Variants in CORO2B observed in about 807,000 individuals in gnomAD.
The protein encoded by CORO2B is coronin-2B.
In CORO2B, 26 loss-of-function variants were observed where a neutral mutation model predicts 58.8. The ratio of observed to expected loss-of-function variants is 0.44; its 90% CI spans 0.32 to 0.61. The LOEUF is 0.61. CORO2B is among the 20% of genes least tolerant of loss of function. CORO2B has a pLI of 0.04. For missense variants in CORO2B, 460 were observed against 645.1 expected (o/e 0.71, Z 3.11); for synonymous variants, 242 against 253.8 (o/e 0.95, Z 0.44).
In CORO2B at chr15:68,715,326, G is replaced by A; in HGVS notation, c.967+15G>A. 1.3e-6 allele frequency: 2 copies of A among 1,582,404 alleles called. No individual in the cohort carries two copies. The highest frequency in any genetic ancestry group is 1.7e-6 in the Non-Finnish European group (2 of 1,151,532). ...GAAAGGCCTAGGTAAGTGGCCCCGAGGCTGCCACAGCTGGTGTGCTCATGG... is the reference window on the plus strand; with the variant it reads ...GAAAGGCCTAGGTAAGTGGCCCCGAAGCTGCCACAGCTGGTGTGCTCATGG... On this transcript the variant is annotated intron_variant, in intron 8 of 11. Transcript: ENST00000261861.
At chr15:68,527,571 C>A in the CORO2B span, among the ~76,000 whole-genome samples, 6 of 152,142 alleles carry the variant, frequency 3.9e-5, no homozygotes, top group African/African-American at 1.4e-4. Flanking sequence ...ATTACTGTAG[C>A]TTTGTAATAA....
At chr15:68,715,491 C>A (rs1046595925) in intron 8 of CORO2B, among the ~76,000 whole-genome samples, 180 bp downstream of exon 8, 1 of 152,240 alleles carries the variant, frequency 6.6e-6, no homozygotes, top group African/African-American at 2.4e-5. Flanking sequence ...ACTGGACCGG[C>A]GCTGTCACCC....
intron 1 of CORO2B, among the ~76,000 whole-genome samples, chr15:68,615,991 A>G (rs1347592553): frequency 6.6e-6 from 1 of 152,118 alleles, no homozygotes; most frequent in African/African-American, 2.4e-5. Context: ...TAGAACACCT[A>G]CTGTGCGCCA....
chr15:68,717,886 A>C (rs1893069063), intron 8 of CORO2B, among the ~76,000 whole-genome samples: 1 of 152,234 alleles, frequency 6.6e-6, no homozygotes, highest in Admixed American at 6.5e-5. Context: ...GGTGCCAGGC[A>C]GTTAATGAGT....
At chr15:68,535,069 G>C in the CORO2B span, among the ~76,000 whole-genome samples, 1 of 152,098 alleles carries the variant, frequency 6.6e-6, no homozygotes, top group African/African-American at 2.4e-5. Context: ...TTTGGGTGGG[G>C]ACACAGCCAC....
chr15:68,655,158 A>G (rs1901766805), intron 2 of CORO2B, among the ~76,000 whole-genome samples: 1 of 152,226 alleles, frequency 6.6e-6, no homozygotes, highest in African/African-American at 2.4e-5. Flanking sequence ...GAAGGCATGT[A>G]AAGGTTTTAC....
chr15:68,555,905 C>T, the CORO2B span, among the ~76,000 whole-genome samples: 4 of 152,196 alleles, frequency 2.6e-5, no homozygotes, highest in South Asian at 2.1e-4. Context: ...GGGCCACAGA[C>T]GGCCATCTGG....
intron 2 of CORO2B, among the ~76,000 whole-genome samples, chr15:68,673,665 C>G (rs1902476874): frequency 6.6e-6 from 1 of 152,060 alleles, no homozygotes; most frequent in Non-Finnish European, 1.5e-5. Context: ...AGTGAAACCC[C>G]GTTTCTACTA....
the CORO2B span, among the ~76,000 whole-genome samples, chr15:68,520,338 C>T: frequency 1.3e-5 from 2 of 152,146 alleles, no homozygotes; most frequent in African/African-American, 4.8e-5. Flanking sequence ...TTTGTTGTTG[C>T]TTGTTCCATC....
intron 2 of CORO2B, among the ~76,000 whole-genome samples, chr15:68,658,844 A>C (rs966573643): frequency 1.3e-5 from 2 of 152,330 alleles, no homozygotes; most frequent in Non-Finnish European, 2.9e-5. Context: ...AGAATGCAAC[A>C]TGGAGGCCTG....
the CORO2B span, among the ~76,000 whole-genome samples, chr15:68,522,767 G>A: frequency 6.6e-6 from 1 of 152,132 alleles, no homozygotes; most frequent in Non-Finnish European, 1.5e-5. Flanking sequence ...ATCTTTTTAT[G>A]AGCATATTAA....
chr15:68,725,766 G>C, intron 11 of CORO2B, 77 bp from the exon 12 acceptor site: 1 of 1,579,880 alleles, frequency 6.3e-7, no homozygotes. Flanking sequence ...CAGGCAGCTG[G>C]AGACTCACCT....
the CORO2B span, among the ~76,000 whole-genome samples, chr15:68,560,248 C>A: frequency 2.0e-5 from 3 of 152,016 alleles, no homozygotes; most frequent in Non-Finnish European, 4.4e-5. Context: ...CTTTCTTTCT[C>A]TTTCTTTTTT....
At chr15:68,577,990 C>A (rs1239493269), upstream of CORO2B, among the ~76,000 whole-genome samples, 1 of 152,202 alleles carries the variant, frequency 6.6e-6, no homozygotes, top group Non-Finnish European at 1.5e-5. Flanking sequence ...TGGAGAACCC[C>A]TCTGCTTCCA....
chr15:68,681,629 G>T (rs942878833), intron 2 of CORO2B, among the ~76,000 whole-genome samples: 3 of 152,156 alleles, frequency 2.0e-5, no homozygotes, highest in South Asian at 2.1e-4. Context: ...GCAAACCAAA[G>T]AATAAGGTTA....
At chr15:68,536,586 G>A in the CORO2B span, among the ~76,000 whole-genome samples, 1 of 152,228 alleles carries the variant, frequency 6.6e-6, no homozygotes, top group South Asian at 2.1e-4. Flanking sequence ...CCTTTGCAAA[G>A]TGTGATTGTG....
the CORO2B span, among the ~76,000 whole-genome samples, chr15:68,530,749 ACTT>A: frequency 1.8e-4 from 27 of 152,250 alleles, no homozygotes; most frequent in African/African-American, 6.3e-4. Flanking sequence ...TCTAAACACT[ACTT>A]CTTCTGATAC....
intron 2 of CORO2B, among the ~76,000 whole-genome samples, chr15:68,683,731 A>T (rs1400404318): frequency 6.6e-6 from 1 of 152,172 alleles, no homozygotes; most frequent in African/African-American, 2.4e-5. Context: ...CTCCCTGCAG[A>T]GCATGTTCTA....
chr15:68,592,620 G>A (rs1595956325), intron 1 of CORO2B, among the ~76,000 whole-genome samples: 1 of 152,172 alleles, frequency 6.6e-6, no homozygotes, highest in East Asian at 1.9e-4. Flanking sequence ...CAGCTTTCTG[G>A]TTCAAGTCCC....
Sources: allele counts gnomAD v4.1 joint callset (sites outside exome capture counted in the v4.1 genomes callset), GRCh38; gene constraint gnomAD v4.1.1; transcripts MANE v1.5; gene names NCBI Gene and HGNC (gene_info 2026-07-23, HGNC 2026-07-21).